The following CRIP2 variants were observed in gnomAD, a reference collection of about 807,000 sequenced individuals.
CRIP2 encodes the protein cysteine rich protein 2.
A neutral mutation model predicts 31.3 loss-of-function variants in CRIP2; 31 were observed. The ratio of observed to expected loss-of-function variants is 0.99; its 90% confidence interval spans 0.74 to 1.34. The LOEUF (loss-of-function observed/expected upper bound fraction) is 1.34. CRIP2 is among the 40% of genes most tolerant of loss of function. The pLI is 0.00. For synonymous variants in CRIP2, 177 were observed against 127.2 expected (o/e 1.39, Z -2.63); for missense variants, 389 against 301.6 (o/e 1.29, Z -2.15).
At position 105,474,868 on chromosome 14, in the gene CRIP2, C is replaced by T. The variant is rs1555435400; in HGVS notation, c.6C>T (p.Ala2=). The T allele has an allele frequency of 4.0e-6, 6 of 1,511,904 alleles. No individual in the cohort carries two copies. The African/African-American group carries it at 5.8e-5, about 15-fold the overall frequency. The allele number at this position is 1,511,904 out of a possible 1,614,324, so 93.7% of individuals were successfully genotyped here. A position where few individuals can be genotyped will look rare whatever the true frequency, so the allele number is the denominator to read the frequency against. ...GCCGACCGGGCGCACCGACCATGGC[C>T]TCCAAATGCCCCAAGTGCGACAAGA... The part of the protein sequence containing the change: M[A]SKCPKCDKTV... Residue 2 remains alanine (A), a synonymous_variant, in exon 1 of 8, where the codon GCC becomes GCT. Transcript: ENST00000329146. This position sits in a 1 kb window ranked among gnomAD's most constrained non-coding sequence, Gnocchi z 5.1.
In CRIP2 at chr14:105,479,159, C is replaced by G. The variant is rs782778280; in HGVS notation, c.441C>G (p.His147Gln). Residue 147 changes from histidine (H) to glutamine (Q), a missense_variant, in exon 6 of 8, where the codon CAC becomes CAG. Transcript: ENST00000329146. The stretch of plus-strand genomic sequence containing the variant: ...TGACGTCTCTGGGCAAGGATTGGCA[C>G]CGGCCCTGCCTGCGCTGCGAGCGCT... ...EKVTSLGKDW[H>Q]RPCLRCERCG... 1.9e-6 allele frequency: 3 copies of G among 1,611,726 alleles called. No homozygotes were observed. Among genetic ancestry groups the G allele is most frequent in the East Asian group, 2.2e-5 (1 of 44,866 alleles).
chr14:105,479,113 C>A lies in CRIP2; in HGVS notation c.407-12C>A, dbSNP rs782798482. ...CGCCCCGGGGCTCGGCCTCACTCCTCCCCCTTTCCAGCTGAGAAGGTGACG... is the reference window on the plus strand; with the variant it reads ...CGCCCCGGGGCTCGGCCTCACTCCTACCCCTTTCCAGCTGAGAAGGTGACG... On this transcript the variant is annotated splice_polypyrimidine_tract_variant and intron_variant, in intron 5 of 7. Transcript: ENST00000329146. The A allele has an allele frequency of 1.2e-5, 20 of 1,611,008 alleles. No homozygotes were observed. Among genetic ancestry groups the A allele is most frequent in the East Asian group, 2.2e-5 (1 of 44,864 alleles).
At chr14:105,474,182 A>G (rs1310597874), upstream of CRIP2, 3 of 153,058 alleles carry the variant, frequency 2.0e-5, no homozygotes, top group African/African-American at 7.2e-5. The surrounding 1 kb of genome is among the most constrained non-coding windows in gnomAD (Gnocchi z 5.1). Context: ...CCCTCCACCC[A>G]AGGAGCCTTC....
At chr14:105,473,424 G>A, upstream of CRIP2, 5 of 1,535,720 alleles carry the variant, frequency 3.3e-6, no homozygotes, top group Non-Finnish European at 4.4e-6. Context: ...GCCACAGAGA[G>A]CCCAGCCAGG....
chr14:105,479,327 G>T (rs587632346), intron 6 of CRIP2, 108 bp downstream of exon 6: 41 of 1,545,034 alleles, frequency 2.7e-5, no homozygotes, highest in Non-Finnish European at 3.3e-5. Context: ...TCTGGGAGCT[G>T]CGCTGCCCTC....
chr14:105,475,763 C>G, intron 1 of CRIP2: 2 of 949,930 alleles, frequency 2.1e-6, no homozygotes, highest in Non-Finnish European at 2.5e-6. Flanking sequence ...CCTTCCTACC[C>G]CCTTCCTCCT....
Position 105,478,455 on chromosome 14 carries a change from C to G in CRIP2, c.144C>G (p.Asp48Glu), listed in dbSNP as rs587731803. 6.9e-6 allele frequency: 11 copies of G among 1,605,122 alleles called. No homozygotes were observed. The South Asian group carries it at 1.1e-4, about 16-fold the overall frequency. Residue 48 changes from aspartate to glutamate, a missense_variant, in exon 3 of 8, where the codon GAC (aspartate) becomes GAG (glutamate). Asp to Glu is a conservative substitution (Grantham distance 45, BLOSUM62 2). Coordinates refer to ENST00000329146, the MANE Select transcript of CRIP2 (RefSeq NM_001312.4). This position sits in a 1 kb window ranked among gnomAD's most constrained non-coding sequence, Gnocchi z 4.9. ...TLTPGGHAEHDGKPFCHKPCY... is the reference protein window; with the variant it reads ...TLTPGGHAEHEGKPFCHKPCY... Reference sequence around the variant, plus strand: ...ACCCGCGCCCCTCTGCGCAGCATGACGGGAAGCCGTTCTGCCACAAGCCGT... The same window carrying G: ...ACCCGCGCCCCTCTGCGCAGCATGAGGGGAAGCCGTTCTGCCACAAGCCGT...
chr14:105,475,798 C>G (rs1242301914), intron 1 of CRIP2: 3 of 983,322 alleles, frequency 3.1e-6, no homozygotes, highest in African/African-American at 1.7e-5. Context: ...CCAGCTTTCT[C>G]CAGGGTGGTA....
Position 105,478,703 on chromosome 14 carries a change from C to T in CRIP2, c.197-28C>T, listed in dbSNP as rs1555436485. 1.7e-5 allele frequency: 25 copies of T among 1,430,226 alleles called. No individual in the cohort carries two copies. The highest frequency in any genetic ancestry group is 1.0e-5 in the Non-Finnish European group (11 of 1,092,436). 88.6% of individuals were successfully genotyped at this position (1,430,226 alleles called of 1,614,324 possible). On this transcript the variant is annotated intron_variant, in intron 3 of 7. Transcript: ENST00000329146. This position sits in a 1 kb window ranked among gnomAD's most constrained non-coding sequence, Gnocchi z 4.9. Reference sequence around the variant, plus strand: ...GTGGCCGCGGCCCCCACCCCACGTACCCCCGCCCCACGTACCCCCACCCGC... The same window carrying T: ...GTGGCCGCGGCCCCCACCCCACGTATCCCCGCCCCACGTACCCCCACCCGC...
chr14:105,476,658 G>T, intron 1 of CRIP2: 1 of 985,242 alleles, frequency 1.0e-6, no homozygotes, highest in Non-Finnish European at 1.2e-6. Flanking sequence ...CTGGGCTGCA[G>T]CTGCCACGGC....
rs782345706 is a variant in CRIP2, at chr14:105,478,360, G to A, written c.138G>A (p.Glu46=). ...SKTLTPGGHA[E]HDGKPFCHKP... ...CGCTGACGCCCGGGGGCCACGCCGAGGTGAGCCCCACTGCGCGGCGCGGGC... is the reference window on the plus strand; with the variant it reads ...CGCTGACGCCCGGGGGCCACGCCGAAGTGAGCCCCACTGCGCGGCGCGGGC... Residue 46 remains glutamate (E), a splice_region_variant and synonymous_variant, in exon 2 of 8, where the codon GAG becomes GAA. Transcript: ENST00000329146. This position sits in a 1 kb window ranked among gnomAD's most constrained non-coding sequence, Gnocchi z 4.9. The A allele has an allele frequency of 6.4e-7, 1 of 1,571,990 alleles. No homozygotes were observed. The highest frequency in any genetic ancestry group is 1.2e-5 in the South Asian group (1 of 86,910).
chr14:105,479,207 C>T lies in CRIP2; in HGVS notation c.489C>T (p.Gly163=), dbSNP rs782326079. 1.7e-5 allele frequency: 27 copies of T among 1,610,026 alleles called. No individual in the cohort carries two copies. In the South Asian group the frequency reaches 2.4e-4, roughly 14 times the overall value. Reference sequence around the variant, plus strand: ...GCTGCGGGAAGACACTGACCCCCGGCGGGCACGCGGAGGTGAGGGGAGTGC... The same window carrying T: ...GCTGCGGGAAGACACTGACCCCCGGTGGGCACGCGGAGGTGAGGGGAGTGC... The part of the protein sequence containing the change: ...CERCGKTLTP[G]GHAEHDGQPY... Residue 163 remains glycine, a synonymous_variant, in exon 6 of 8, where the codon GGC becomes GGT. Transcript: ENST00000329146.
chr14:105,479,560 C>T (rs2084044381), intron 7 of CRIP2, 26 bp from the exon 8 acceptor site: 2 of 1,612,736 alleles, frequency 1.2e-6, no homozygotes, highest in Non-Finnish European at 8.5e-7. Context: ...GTTCCCCCGA[C>T]CCACCCCAGC....
At chr14:105,476,375 C>A in intron 1 of CRIP2, 1 of 985,522 alleles carries the variant, frequency 1.0e-6, no homozygotes, top group South Asian at 4.7e-5. Context: ...GGTCCAGAAT[C>A]CTGCCCACCC....
At chr14:105,476,232 G>T (rs2083930304) in intron 1 of CRIP2, 1 of 985,366 alleles carries the variant, frequency 1.0e-6, no homozygotes, top group Admixed American at 6.1e-5. Flanking sequence ...GGCTCTCCAG[G>T]GTCTCGGCCA....
rs782790953 is a variant in CRIP2 at position 105,478,527 on chromosome 14, G to T, written c.196+20G>T. On this transcript the variant is annotated intron_variant, in intron 3 of 7. Coordinates refer to ENST00000329146, the MANE Select transcript of CRIP2 (RefSeq NM_001312.4). This position sits in a 1 kb window ranked among gnomAD's most constrained non-coding sequence, Gnocchi z 4.9. Reference sequence around the variant, plus strand: ...CCAAAGGTGAGCTCCGGCTGCCCTCGGCCTGCCCTGGGACCTGCTGGGAGG... The same window carrying T: ...CCAAAGGTGAGCTCCGGCTGCCCTCTGCCTGCCCTGGGACCTGCTGGGAGG... 1 of 1,602,874 alleles carries T rather than the reference G, an allele frequency of 6.2e-7. No homozygotes were observed. The highest frequency in any genetic ancestry group is 8.5e-7 in the Non-Finnish European group (1 of 1,176,360).
At chr14:105,473,513 G>A (rs377236152), upstream of CRIP2, 226 of 1,534,336 alleles carry the variant, frequency 1.5e-4, 3 homozygotes, top group East Asian at 1.9e-3. Flanking sequence ...GAGGGAACAG[G>A]TAGGTCTCCG....
At chr14:105,476,713 C>T (rs1407735457) in intron 1 of CRIP2, 1 of 985,342 alleles carries the variant, frequency 1.0e-6, no homozygotes, top group African/African-American at 1.7e-5. Context: ...ACACGCCTGC[C>T]CACCGTGCAG....
chr14:105,477,894 AGGTGTTG>A lies in CRIP2; in HGVS notation c.44-370_44-364del, dbSNP rs2083979888. Among the ~76,000 whole-genome samples, 2 of 23,124 alleles carry A rather than the reference AGGTGTTG, an allele frequency of 8.6e-5. 1 individual carries two copies. The highest frequency in any genetic ancestry group is 4.5e-3 in the Non-Finnish European group (2 of 442). 15.2% of individuals were successfully genotyped at this position (23,124 alleles called of 152,430 possible). ...CGCGGGCAGGTGTTGGAGCGCGGGC[AGGTGTTG>A]GAGCGCGGGCAGGTGTTGGAGCGCG... On this transcript the variant is annotated intron_variant, in intron 1 of 7. Transcript: ENST00000329146.
Sources: allele counts gnomAD v4.1 joint callset (sites outside exome capture counted in the v4.1 genomes callset), GRCh38; gene constraint gnomAD v4.1.1; non-coding constraint Gnocchi (gnomAD v3.1); transcripts MANE v1.5; gene names NCBI Gene and HGNC (gene_info 2026-07-23, HGNC 2026-07-21).